The following PCCA variants were observed in gnomAD, a reference collection of about 807,000 sequenced individuals.
The protein encoded by PCCA is propionyl-CoA carboxylase subunit alpha, also known as propionyl-CoA carboxylase alpha chain, mitochondrial.
A neutral mutation model predicts 101.3 loss-of-function variants in PCCA; 74 were observed. The observed-to-expected ratio is 0.73, with a 90% CI of 0.61 to 0.89. The LOEUF is 0.89. Ranked by LOEUF, PCCA falls within the 40% of genes least tolerant of loss-of-function variation. PCCA has a pLI of 0.00. For synonymous variants in PCCA, 294 were observed against 313.6 expected (o/e 0.94, Z 0.66); for missense variants, 891 against 907.0 (o/e 0.98, Z 0.23).
chr13:100,126,282 T>C (rs530155771), intron 4 of PCCA, among the ~76,000 whole-genome samples: 6 of 151,880 alleles, frequency 4.0e-5, no homozygotes, highest in African/African-American at 1.5e-4. Flanking sequence ...TATAGTATGG[T>C]ATCTTTTTTT....
chr13:100,305,870 A>AT, intron 14 of PCCA: 1 of 420,588 alleles, frequency 2.4e-6, no homozygotes, highest in Non-Finnish European at 4.8e-6. Flanking sequence ...TATAATTAAG[A>AT]TTTTTGTATA....
rs2060769488 is a variant in PCCA, at chr13:100,235,850, A to C, written c.609A>C (p.Glu203Asp). 6.2e-7 allele frequency: 1 copy of C among 1,607,580 alleles called. No homozygotes were observed. The highest frequency in any genetic ancestry group is 1.1e-5 in the South Asian group (1 of 90,918). Residue 203 changes from glutamate to aspartate, a missense_variant, in exon 8 of 24, where the codon GAA becomes GAC. Coordinates refer to ENST00000376285, the MANE Select transcript of PCCA (RefSeq NM_000282.4). ...PGFDGVVKDA[E>D]EAVRIAREIG... ...ATTTCCTGCTTTTACAGGATGCAGA[A>C]GAAGCTGTCAGAATTGCAAGGGAAA...
intron 6 of PCCA, among the ~76,000 whole-genome samples, chr13:100,183,778 G>A (rs976961158): frequency 3.9e-5 from 6 of 152,102 alleles, no homozygotes; most frequent in African/African-American, 1.4e-4. Context: ...CGGAAGGCGA[G>A]GGGCCCTGGG....
intron 21 of PCCA, among the ~76,000 whole-genome samples, chr13:100,505,730 G>C (rs1195539423): frequency 6.6e-6 from 1 of 152,108 alleles, no homozygotes; most frequent in South Asian, 2.1e-4. Context: ...AAGCAGGCAT[G>C]GTGGCGTCTG....
intron 21 of PCCA, among the ~76,000 whole-genome samples, chr13:100,463,090 A>G (rs2082278153): frequency 1.3e-5 from 2 of 152,200 alleles, no homozygotes; most frequent in Non-Finnish European, 2.9e-5. Context: ...AGAGGACGGA[A>G]TGAAATTAAT....
intron 12 of PCCA, among the ~76,000 whole-genome samples, chr13:100,292,612 G>C (rs969523669): frequency 3.9e-5 from 6 of 152,012 alleles, no homozygotes; most frequent in Admixed American, 6.6e-5. Flanking sequence ...TAACATTATT[G>C]CTATTACTAT....
rs143089610 is a variant in PCCA at position 100,274,150 on chromosome 13, T to A, written c.1065+804T>A. On this transcript the variant is annotated intron_variant, in intron 12 of 23. Transcript: ENST00000376285. ...TCCCTAGAGCTGTCTCCTATCTGAC[T>A]GACTTCTCAGAACCTTCAGTTTTCA... is the stretch of plus-strand genomic sequence containing the variant. Among the ~76,000 whole-genome samples the A allele has an allele frequency of 2.8e-3, 420 of 152,368 alleles. 1 individual carries two copies. Among genetic ancestry groups the A allele is most frequent in the African/African-American group, 9.7e-3 (403 of 41,588 alleles).
At chr13:100,242,403 CG>C (rs1222634445) in intron 8 of PCCA, among the ~76,000 whole-genome samples, 1 of 151,978 alleles carries the variant, frequency 6.6e-6, no homozygotes, top group Non-Finnish European at 1.5e-5. Flanking sequence ...TAAACATTGA[CG>C]GAATTGAAGG....
At chr13:100,422,852 T>C (rs2152890300) in intron 19 of PCCA, among the ~76,000 whole-genome samples, 1 of 152,184 alleles carries the variant, frequency 6.6e-6, no homozygotes, top group Admixed American at 6.5e-5. Context: ...TTTGTTTTTC[T>C]TCTTTGAGCT....
At chr13:100,452,863 T>C (rs1455656832) in intron 21 of PCCA, among the ~76,000 whole-genome samples, 1 of 152,094 alleles carries the variant, frequency 6.6e-6, no homozygotes, top group East Asian at 1.9e-4. Context: ...ATGACTGAAA[T>C]TGGCCAATGT....
chr13:100,429,460 T>C (rs944721923), intron 20 of PCCA, among the ~76,000 whole-genome samples: 2 of 152,116 alleles, frequency 1.3e-5, no homozygotes, highest in African/African-American at 4.8e-5. Flanking sequence ...CTGTAGGTAC[T>C]TTAAAGTAAT....
intron 4 of PCCA, among the ~76,000 whole-genome samples, chr13:100,115,810 T>C (rs552670030): frequency 6.6e-6 from 1 of 152,346 alleles, no homozygotes; most frequent in East Asian, 1.9e-4. Flanking sequence ...TCACCACTTC[T>C]GGCTGAAAGC....
chr13:100,296,409 T>A (rs1202673491), intron 12 of PCCA, among the ~76,000 whole-genome samples: 1 of 150,278 alleles, frequency 6.7e-6, no homozygotes, highest in Non-Finnish European at 1.5e-5. Context: ...CTGGCTGATT[T>A]TTTTGTATTT....
intron 12 of PCCA, among the ~76,000 whole-genome samples, chr13:100,284,751 C>T (rs1045906891): frequency 3.0e-4 from 46 of 152,326 alleles, no homozygotes; most frequent in African/African-American, 9.9e-4. Flanking sequence ...TTTCCCTGCA[C>T]TCTGATTCCC....
chr13:100,113,803 T>G (rs977345803), intron 4 of PCCA, among the ~76,000 whole-genome samples: 2 of 151,996 alleles, frequency 1.3e-5, no homozygotes, highest in African/African-American at 4.8e-5. Context: ...GGTCTTGAAC[T>G]CCTGACCTCA....
chr13:100,417,809 A>T (rs1041124945), intron 19 of PCCA, among the ~76,000 whole-genome samples: 1 of 151,908 alleles, frequency 6.6e-6, no homozygotes, highest in Non-Finnish European at 1.5e-5. Context: ...CCCTAACTAA[A>T]ACCTTAGGGT....
At chr13:100,234,295 A>G (rs1176324362) in intron 7 of PCCA, among the ~76,000 whole-genome samples, 1 of 152,204 alleles carries the variant, frequency 6.6e-6, no homozygotes, top group Non-Finnish European at 1.5e-5. Context: ...GACCCTTTTC[A>G]TGGATTTTCA....
At chr13:100,334,338 C>T (rs1411853979) in intron 17 of PCCA, among the ~76,000 whole-genome samples, 4 of 152,172 alleles carry the variant, frequency 2.6e-5, no homozygotes, top group Non-Finnish European at 5.9e-5. Context: ...TTGTACCCTG[C>T]GGCTTTTCTC....
At position 100,155,357 on chromosome 13, in the gene PCCA, C is replaced by T. The variant is rs554962223; in HGVS notation, c.414+265C>T. ...CAGTTTCAGTTCATTTCCAAATTTG[C>T]TAGGAAAAAAGAAATCCCAATTAGT... On this transcript the variant is annotated intron_variant, in intron 5 of 23. Transcript: ENST00000376285. 4.6e-5 allele frequency among the ~76,000 whole-genome samples: 7 copies of T among 152,254 alleles called. 1 individual carries two copies. The South Asian group carries it at 1.2e-3, about 27-fold the overall frequency.
Sources: allele counts gnomAD v4.1 joint callset (sites outside exome capture counted in the v4.1 genomes callset), GRCh38; gene constraint gnomAD v4.1.1; transcripts MANE v1.5; gene names NCBI Gene and HGNC (gene_info 2026-07-23, HGNC 2026-07-21).